The following CDKAL1 variants were observed in gnomAD, a reference collection of about 807,000 sequenced individuals.
CDKAL1 encodes CDKAL1 threonylcarbamoyladenosine tRNA methylthiotransferase, also known as threonylcarbamoyladenosine tRNA methylthiotransferase.
CDKAL1 carries 32 observed loss-of-function variants against 68.2 expected under a neutral mutation model. The observed-to-expected ratio is 0.47, with a 90% CI of 0.35 to 0.63. The LOEUF is 0.63. Among genes scored for constraint, CDKAL1 ranks in the 30% least tolerant of loss-of-function variants. The probability of loss-of-function intolerance (pLI) is 0.00; values close to 1 mark genes in which losing one functional copy is unlikely to be tolerated. For synonymous variants in CDKAL1, 234 were observed against 244.3 expected (o/e 0.96, Z 0.39); for missense variants, 606 against 696.7 (o/e 0.87, Z 1.47).
intron 9 of CDKAL1, among the ~76,000 whole-genome samples, chr6:20,952,259 C>T (rs1221945943): frequency 6.6e-6 from 1 of 152,098 alleles, no homozygotes; most frequent in Non-Finnish European, 1.5e-5. Context: ...CGCCCGCCCC[C>T]TCTTTTTCAT....
At chr6:20,812,893 G>T (rs1776882751) in intron 8 of CDKAL1, among the ~76,000 whole-genome samples, 1 of 152,024 alleles carries the variant, frequency 6.6e-6, no homozygotes, top group African/African-American at 2.4e-5. Context: ...TTTTTCTAGG[G>T]TGTGGTATGG....
intron 5 of CDKAL1, among the ~76,000 whole-genome samples, chr6:20,666,066 G>A (rs1248401640): frequency 6.6e-6 from 1 of 152,082 alleles, no homozygotes; most frequent in Non-Finnish European, 1.5e-5. Flanking sequence ...GAATATGGAT[G>A]TGAAGGTATA....
chr6:20,717,491 T>G (rs1257417319), intron 5 of CDKAL1, among the ~76,000 whole-genome samples: 1 of 151,858 alleles, frequency 6.6e-6, no homozygotes, highest in Non-Finnish European at 1.5e-5. Flanking sequence ...AATATGTTGA[T>G]ACAGAACAGG....
chr6:20,952,089 G>T (rs1764559762), intron 9 of CDKAL1, among the ~76,000 whole-genome samples: 1 of 151,308 alleles, frequency 6.6e-6, no homozygotes, highest in South Asian at 2.1e-4. Context: ...CTCCCGAGTA[G>T]CTGGGACTAC....
At chr6:20,861,306 A>G (rs1759613724) in intron 9 of CDKAL1, among the ~76,000 whole-genome samples, 1 of 152,242 alleles carries the variant, frequency 6.6e-6, no homozygotes, top group Non-Finnish European at 1.5e-5. Flanking sequence ...TGAAGATTAA[A>G]TGGGAGAAGG....
intron 9 of CDKAL1, among the ~76,000 whole-genome samples, chr6:20,935,012 C>T (rs1028341066): frequency 6.6e-6 from 1 of 151,258 alleles, no homozygotes; most frequent in African/African-American, 2.4e-5. Flanking sequence ...TCTCTTGCCT[C>T]AGCCTCCTGA....
At chr6:21,162,071 G>A (rs945637657) in intron 13 of CDKAL1, among the ~76,000 whole-genome samples, 1 of 152,182 alleles carries the variant, frequency 6.6e-6, no homozygotes, top group African/African-American at 2.4e-5. Flanking sequence ...GTTAGTTGCA[G>A]GAAGTAGAGG....
chr6:20,540,979 G>A (rs1763367236), intron 2 of CDKAL1, among the ~76,000 whole-genome samples: 1 of 152,214 alleles, frequency 6.6e-6, no homozygotes, highest in Non-Finnish European at 1.5e-5. Context: ...CATTCTAATG[G>A]TGAGAAGTTG....
chr6:21,043,211 C>A (rs1462990115), intron 11 of CDKAL1, among the ~76,000 whole-genome samples: 1 of 152,142 alleles, frequency 6.6e-6, no homozygotes, highest in Non-Finnish European at 1.5e-5. Flanking sequence ...CATAGAATGT[C>A]TGCCTTCCAT....
At chr6:20,904,006 C>T (rs1466186795) in intron 9 of CDKAL1, among the ~76,000 whole-genome samples, 1 of 152,130 alleles carries the variant, frequency 6.6e-6, no homozygotes, top group Non-Finnish European at 1.5e-5. Flanking sequence ...AGCTACACAC[C>T]CCTATCCCTC....
At chr6:20,723,945 G>A (rs1772512786) in intron 5 of CDKAL1, among the ~76,000 whole-genome samples, 1 of 152,086 alleles carries the variant, frequency 6.6e-6, no homozygotes, top group Admixed American at 6.5e-5. Flanking sequence ...TTTTGCTGTT[G>A]TTTTTGAGAC....
intron 5 of CDKAL1, among the ~76,000 whole-genome samples, chr6:20,672,052 C>T (rs11968224): frequency 0.092 from 14,021 of 151,976 alleles, 2,060 homozygotes; most frequent in African/African-American, 0.31. Context: ...ATTCCATCTA[C>T]GCTGTTTGCA....
chr6:21,024,123 A>G (rs1490404984), intron 11 of CDKAL1, among the ~76,000 whole-genome samples: 1 of 151,454 alleles, frequency 6.6e-6, no homozygotes, highest in African/African-American at 2.4e-5. Context: ...TGCATCTCAC[A>G]TTAACATCTG....
rs75717470 is a variant in CDKAL1 at position 20,569,631 on chromosome 6, G to A, written c.286+20926G>A. On this transcript the variant is annotated intron_variant, in intron 4 of 15. Transcript: ENST00000274695. Reference sequence around the variant, plus strand: ...ATGCTGTTTTAATTCTAAAGGTGTTGTGAAGTATGGAAAAATCCTTTACCT... The same window carrying A: ...ATGCTGTTTTAATTCTAAAGGTGTTATGAAGTATGGAAAAATCCTTTACCT... 1.3e-3 allele frequency among the ~76,000 whole-genome samples: 194 copies of A among 152,310 alleles called. 4 individuals are homozygous for A. The East Asian group carries it at 0.037, about 29-fold the overall frequency.
Position 20,787,376 on chromosome 6 carries a change from C to T in CDKAL1, c.638+6111C>T, listed in dbSNP as rs550025568. Among the ~76,000 whole-genome samples the T allele has an allele frequency of 2.6e-5, 4 of 152,242 alleles. No homozygotes were observed. In the East Asian group the frequency reaches 5.8e-4, roughly 22 times the overall value. ...TCAGTTCCTATTCCATTTCTGGATA[C>T]GTAGGCTATCTACAAATATTTGAAT... On this transcript the variant is annotated intron_variant, in intron 8 of 15. Transcript: ENST00000274695.
At chr6:21,082,850 G>A (rs868171822) in intron 12 of CDKAL1, among the ~76,000 whole-genome samples, 1 of 150,168 alleles carries the variant, frequency 6.7e-6, no homozygotes, top group East Asian at 2.0e-4. Context: ...AAGTCTGAAC[G>A]TGAAATTCAT....
At chr6:21,065,347 G>A in intron 12 of CDKAL1, 119 bp downstream of exon 12, 1 of 808,402 alleles carries the variant, frequency 1.2e-6, no homozygotes, top group Non-Finnish European at 1.9e-6. Flanking sequence ...AATATGGAGA[G>A]ATTTCCAAGT....
At chr6:20,765,695 A>G (rs1774670788) in intron 7 of CDKAL1, among the ~76,000 whole-genome samples, 1 of 152,198 alleles carries the variant, frequency 6.6e-6, no homozygotes, top group Non-Finnish European at 1.5e-5. Flanking sequence ...ATGGCCCCAA[A>G]CAAAAACATT....
chr6:20,587,951 G>T (rs974311256), intron 4 of CDKAL1, among the ~76,000 whole-genome samples: 1 of 151,966 alleles, frequency 6.6e-6, no homozygotes, highest in Non-Finnish European at 1.5e-5. Context: ...TAAAAATTTA[G>T]CCAGGCATGG....
Sources: gnomAD v4.1 joint callset for allele counts (sites outside exome capture counted in the v4.1 genomes callset) on GRCh38, gnomAD v4.1.1 for gene constraint, MANE v1.5 for transcripts, NCBI Gene and HGNC (gene_info 2026-07-23, HGNC 2026-07-21) for gene names.